Variants in DZIP3 observed in about 807,000 individuals in gnomAD.
DZIP3 encodes E3 ubiquitin-protein ligase DZIP3.
A neutral mutation model predicts 162.0 loss-of-function variants in DZIP3; 118 were observed. The ratio of observed to expected loss-of-function variants is 0.73; its 90% CI spans 0.63 to 0.85. The LOEUF is 0.85. Ranked by LOEUF, DZIP3 falls within the 40% of genes least tolerant of loss-of-function variation. DZIP3 has a pLI of 0.00. For synonymous variants in DZIP3, 438 were observed against 458.6 expected, an observed-to-expected ratio of 0.96 and a Z score of 0.57; for missense variants, 1,331 against 1,407.0, an observed-to-expected ratio of 0.95 and a Z score of 0.86.
At chr3:108,598,228 A>G (rs1038297564) in intron 1 of DZIP3, among the ~76,000 whole-genome samples, 2 of 152,206 alleles carry the variant, frequency 1.3e-5, no homozygotes, top group Non-Finnish European at 2.9e-5. Flanking sequence ...GACATGGAAG[A>G]AAATAGAATT....
At position 108,635,471 on chromosome 3, in the gene DZIP3, CAT is replaced by C. The variant is rs199642251; in HGVS notation, c.918+502_918+503del. On this transcript the variant is annotated intron_variant, in intron 10 of 32. Transcript: ENST00000361582. ...ACATTTAGTTATAATAGTTACATAT[CAT>C]ATGTAGTTATAGATAATATATAATT... is the stretch of plus-strand genomic sequence containing the variant. 1,079 of 171,998 alleles carry C rather than the reference CAT, an allele frequency of 6.3e-3. 21 individuals are homozygous for C. Among genetic ancestry groups the C allele is most frequent in the African/African-American group, 0.026 (1,030 of 39,784 alleles). The allele number at this position is 171,998 out of a possible 1,614,324, so 10.7% of individuals were successfully genotyped here. A position where few individuals can be genotyped will look rare whatever the true frequency, so the allele number is the denominator to read the frequency against.
At chr3:108,602,069 T>C (rs1357529967) in intron 1 of DZIP3, among the ~76,000 whole-genome samples, 2 of 152,186 alleles carry the variant, frequency 1.3e-5, no homozygotes, top group Non-Finnish European at 2.9e-5. Flanking sequence ...GGATCTAGAC[T>C]GAACCCTTGG....
intron 1 of DZIP3, among the ~76,000 whole-genome samples, chr3:108,593,311 A>G (rs996444454): frequency 1.3e-5 from 2 of 152,212 alleles, no homozygotes; most frequent in Admixed American, 6.5e-5. Context: ...CTAGAGATGA[A>G]AAAACTAAGA....
intron 4 of DZIP3, among the ~76,000 whole-genome samples, chr3:108,612,879 G>C (rs1483004149): frequency 6.6e-6 from 1 of 151,996 alleles, no homozygotes; most frequent in Non-Finnish European, 1.5e-5. Context: ...TATTTATAAT[G>C]ATAACAAAAG....
Position 108,624,481 on chromosome 3 carries a change from T to A in DZIP3, c.413T>A (p.Leu138Gln). 6.3e-7 allele frequency: 1 copy of A among 1,598,150 alleles called. No homozygotes were observed. The highest frequency in any genetic ancestry group is 8.6e-7 in the Non-Finnish European group (1 of 1,169,302). ...AATATTGGTTATTATTTGACATTAC[T>A]GTTTTTATATGGAGTAGCACTCACT... ...QINIGYYLTL[L>Q]FLYGVALTER... Residue 138 changes from leucine (L) to glutamine (Q), a missense_variant, in exon 6 of 33, where the codon CTG becomes CAG. By Grantham distance (113) the Leu-to-Gln change is moderately radical. Coordinates refer to ENST00000361582, the MANE Select transcript of DZIP3 (RefSeq NM_014648.4).
At chr3:108,620,146 G>A (rs1941252112) in intron 5 of DZIP3, among the ~76,000 whole-genome samples, 1 of 152,122 alleles carries the variant, frequency 6.6e-6, no homozygotes, top group Non-Finnish European at 1.5e-5. Context: ...TCCATGAGAA[G>A]CTACACAGCA....
At chr3:108,693,334 C>G (rs1334776103) in intron 32 of DZIP3, 26 bp from the exon 33 acceptor site, 2 of 151,980 alleles carry the variant, frequency 1.3e-5, no homozygotes, top group African/African-American at 4.8e-5. Flanking sequence ...TCAATATTCC[C>G]CATTCTTTTA....
chr3:108,636,852 T>C, intron 11 of DZIP3, 144 bp downstream of exon 11: 1 of 580,580 alleles, frequency 1.7e-6, no homozygotes, highest in Non-Finnish European at 3.0e-6. Context: ...TGAACCTTTT[T>C]ATTACCATGA....
intron 27 of DZIP3, among the ~76,000 whole-genome samples, chr3:108,684,999 T>C (rs1248832847): frequency 6.6e-6 from 1 of 152,212 alleles, no homozygotes; most frequent in African/African-American, 2.4e-5. Flanking sequence ...GAAAATTCTC[T>C]AATCTTGATT....
chr3:108,640,118 A>G (rs939102952), intron 12 of DZIP3, among the ~76,000 whole-genome samples: 4 of 152,006 alleles, frequency 2.6e-5, no homozygotes, highest in Admixed American at 1.3e-4. Context: ...TTCCTTTGCA[A>G]TAATTTATTT....
intron 14 of DZIP3, 142 bp downstream of exon 14, chr3:108,644,923 A>G (rs1452885766): frequency 2.6e-6 from 2 of 775,638 alleles, no homozygotes; most frequent in African/African-American, 1.8e-5. Context: ...AATAGAAATT[A>G]TAGTGCTAGA....
chr3:108,595,835 G>C (rs141244958), intron 1 of DZIP3, among the ~76,000 whole-genome samples: 239 of 152,204 alleles, frequency 1.6e-3, no homozygotes, highest in African/African-American at 5.4e-3. Flanking sequence ...ATTATACCGG[G>C]GTGTGAACAC....
In DZIP3 at chr3:108,624,173, G is replaced by T. The variant is rs113444111; in HGVS notation, c.376-271G>T. On this transcript the variant is annotated intron_variant, in intron 5 of 32. Transcript: ENST00000361582. Reference sequence around the variant, plus strand: ...TCCTGTGTTGGTGACGATTGTTGGAGCTTCTATTTGGCCATCTTTCTTCCA... The same window carrying T: ...TCCTGTGTTGGTGACGATTGTTGGATCTTCTATTTGGCCATCTTTCTTCCA... Among the ~76,000 whole-genome samples the T allele has an allele frequency of 1.4e-3, 214 of 152,210 alleles. 1 individual carries two copies. The highest frequency in any genetic ancestry group is 5.0e-3 in the African/African-American group (209 of 41,518).
chr3:108,671,372 A>G (rs1378384933), intron 22 of DZIP3, among the ~76,000 whole-genome samples: 1 of 151,894 alleles, frequency 6.6e-6, no homozygotes, highest in East Asian at 1.9e-4. Context: ...TCTCTATTAT[A>G]ATGCCGTATT....
chr3:108,675,568 T>C (rs1392481347), intron 24 of DZIP3, among the ~76,000 whole-genome samples: 1 of 152,060 alleles, frequency 6.6e-6, no homozygotes, highest in African/African-American at 2.4e-5. Context: ...AGCATCAATT[T>C]TATTTGCTTG....
intron 1 of DZIP3, among the ~76,000 whole-genome samples, chr3:108,601,578 T>C (rs1940021453): frequency 6.6e-6 from 1 of 152,228 alleles, no homozygotes; most frequent in African/African-American, 2.4e-5. Flanking sequence ...TTGTATAATC[T>C]GTAAGTGCTA....
At chr3:108,624,323 GT>G in intron 5 of DZIP3, 120 bp from the exon 6 acceptor site, 1 of 601,412 alleles carries the variant, frequency 1.7e-6, no homozygotes, top group Non-Finnish European at 2.9e-6. Flanking sequence ...GACTGATAAT[GT>G]TTTGATAATT....
At chr3:108,669,382 G>C (rs1365372954) in intron 21 of DZIP3, among the ~76,000 whole-genome samples, 7 of 151,862 alleles carry the variant, frequency 4.6e-5, no homozygotes, top group Non-Finnish European at 1.5e-5. Flanking sequence ...AGCATGAAGA[G>C]CTAGAGACAT....
At chr3:108,625,759 T>C in intron 6 of DZIP3, 86 bp from the exon 7 acceptor site, 2 of 1,350,502 alleles carry the variant, frequency 1.5e-6, no homozygotes, top group Non-Finnish European at 9.8e-7. Flanking sequence ...CTGCCCTAAT[T>C]TCTCCAGTTT....
Sources: allele counts gnomAD v4.1 joint callset (sites outside exome capture counted in the v4.1 genomes callset), GRCh38; gene constraint gnomAD v4.1.1; transcripts MANE v1.5; gene names NCBI Gene and HGNC (gene_info 2026-07-23, HGNC 2026-07-21).